The following BNC2 variants were observed in gnomAD, a reference collection of about 807,000 sequenced individuals.
The protein encoded by BNC2 is basonuclin zinc finger protein 2.
A neutral mutation model predicts 76.3 loss-of-function variants in BNC2; 20 were observed. The observed-to-expected ratio is 0.26, with a 90% CI of 0.18 to 0.38. The LOEUF is 0.38. BNC2 is among the 10% of genes least tolerant of loss of function. The pLI, the probability that BNC2 is intolerant of heterozygous loss-of-function variation, is 1.00. For missense variants in BNC2, 1,382 were observed against 1,399.8 expected (o/e 0.99, Z 0.20); for synonymous variants, 582 against 514.8 (o/e 1.13, Z -1.77).
At chr9:16,523,502 A>G (rs76894374) in intron 5 of BNC2, among the ~76,000 whole-genome samples, 1 of 151,508 alleles carries the variant, frequency 6.6e-6, no homozygotes, top group African/African-American at 2.4e-5. Flanking sequence ...ACAAAAAAAA[A>G]CAATTAATGT....
chr9:16,796,210 C>A (rs1027204456), intron 1 of BNC2, among the ~76,000 whole-genome samples: 1 of 152,218 alleles, frequency 6.6e-6, no homozygotes, highest in African/African-American at 2.4e-5. Flanking sequence ...AACTTGGCTT[C>A]TTTCGTAAGT....
At chr9:16,449,036 G>A (rs1381748868) in intron 5 of BNC2, among the ~76,000 whole-genome samples, 1 of 152,104 alleles carries the variant, frequency 6.6e-6, no homozygotes, top group Non-Finnish European at 1.5e-5. Flanking sequence ...GCTGACTGAA[G>A]AAATATAGAT....
At chr9:16,633,553 CA>C (rs1315326928) in intron 3 of BNC2, among the ~76,000 whole-genome samples, 1 of 152,200 alleles carries the variant, frequency 6.6e-6, no homozygotes, top group Non-Finnish European at 1.5e-5. Context: ...CTCTACTTTG[CA>C]ATTATGTCTA....
Position 16,597,730 on chromosome 9 carries a change from T to A in BNC2, c.331-14645A>T, listed in dbSNP as rs192022873. On this transcript the variant is annotated intron_variant, in intron 3 of 6. Coordinates refer to ENST00000380672, the MANE Select transcript of BNC2 (RefSeq NM_017637.6). ...TAAGCTTTACCTGCATGAGCTTTTA[T>A]GTCATTTCCCCCATAATCTTAAGTG... Among the ~76,000 whole-genome samples, 10 of 152,194 alleles carry A rather than the reference T, an allele frequency of 6.6e-5. No individual in the cohort carries two copies. In the East Asian group the frequency reaches 1.7e-3, roughly 26 times the overall value.
chr9:16,740,783 TG>T (rs1563922344), intron 1 of BNC2, among the ~76,000 whole-genome samples: 1 of 151,354 alleles, frequency 6.6e-6, no homozygotes, highest in Non-Finnish European at 1.5e-5. Flanking sequence ...AGAGGGAAAA[TG>T]GTATGAAAGG....
At chr9:16,509,303 T>C (rs372527009) in intron 5 of BNC2, among the ~76,000 whole-genome samples, 4 of 152,200 alleles carry the variant, frequency 2.6e-5, no homozygotes, top group Non-Finnish European at 5.9e-5. Flanking sequence ...TATACATTTC[T>C]ACTTATTGGC....
chr9:16,801,349 G>A (rs189024780), intron 1 of BNC2, among the ~76,000 whole-genome samples: 8 of 152,130 alleles, frequency 5.3e-5, no homozygotes, highest in Admixed American at 2.6e-4. Context: ...GGGTTCAAGT[G>A]ATTCTCCTGT....
chr9:16,860,834 G>A (rs1048831258), intron 1 of BNC2, among the ~76,000 whole-genome samples: 1 of 152,104 alleles, frequency 6.6e-6, no homozygotes, highest in Admixed American at 6.6e-5. Context: ...CCTGAGGCCA[G>A]GAGTTTAAAG....
At chr9:16,847,309 T>A (rs996541126) in intron 1 of BNC2, among the ~76,000 whole-genome samples, 1 of 150,994 alleles carries the variant, frequency 6.6e-6, no homozygotes, top group African/African-American at 2.4e-5. Flanking sequence ...TTATTTTTTT[T>A]ATTTATTTAA....
intron 6 of BNC2, among the ~76,000 whole-genome samples, chr9:16,432,882 C>T (rs975928683): frequency 2.0e-5 from 3 of 152,048 alleles, no homozygotes; most frequent in Non-Finnish European, 4.4e-5. Flanking sequence ...CTGGGGTTCT[C>T]GTGACTAACA....
intron 3 of BNC2, among the ~76,000 whole-genome samples, chr9:16,725,338 T>A (rs1021306393): frequency 3.9e-5 from 6 of 151,952 alleles, no homozygotes; most frequent in Admixed American, 2.6e-4. Flanking sequence ...CTCACATAGT[T>A]TGAACTTAAG....
chr9:16,759,816 C>T (rs989768813), intron 1 of BNC2, among the ~76,000 whole-genome samples: 3 of 151,914 alleles, frequency 2.0e-5, no homozygotes, highest in Admixed American at 6.6e-5. Flanking sequence ...CTCCGCCTCC[C>T]GGGTTCACAC....
At chr9:16,569,900 C>A (rs950771960) in intron 4 of BNC2, among the ~76,000 whole-genome samples, 2 of 152,196 alleles carry the variant, frequency 1.3e-5, no homozygotes, top group Non-Finnish European at 2.9e-5. Context: ...GTTGGCTACA[C>A]AAACCCTGCT....
chr9:16,814,081 G>A (rs1818122516), intron 1 of BNC2, among the ~76,000 whole-genome samples: 1 of 152,182 alleles, frequency 6.6e-6, no homozygotes, highest in East Asian at 1.9e-4. Flanking sequence ...ACTGGGCTGT[G>A]GACAATGTTT....
chr9:16,685,452 T>A, intron 3 of BNC2: 1 of 708,934 alleles, frequency 1.4e-6, no homozygotes, highest in East Asian at 6.6e-5. Context: ...AATGGTTGTC[T>A]TTTCCTGATG....
chr9:16,827,922 G>A (rs73649042), intron 1 of BNC2, among the ~76,000 whole-genome samples: 3,767 of 152,164 alleles, frequency 0.025, 146 homozygotes, highest in African/African-American at 0.087. Flanking sequence ...ATTTATTGAG[G>A]CATGTCTGTA....
chr9:16,688,780 T>C (rs1823055854), intron 3 of BNC2, among the ~76,000 whole-genome samples: 1 of 152,158 alleles, frequency 6.6e-6, no homozygotes, highest in Admixed American at 6.5e-5. Context: ...CTACAACTGA[T>C]GTAAATTTCA....
intron 1 of BNC2, among the ~76,000 whole-genome samples, chr9:16,748,559 T>G (rs546455353): frequency 3.3e-5 from 5 of 150,048 alleles, no homozygotes; most frequent in Non-Finnish European, 5.9e-5. Context: ...AAAAGGAGAA[T>G]TTGCCCGGGT....
chr9:16,674,015 A>T (rs1822562342), intron 3 of BNC2, among the ~76,000 whole-genome samples: 1 of 152,228 alleles, frequency 6.6e-6, no homozygotes, highest in Non-Finnish European at 1.5e-5. Context: ...CTTTACTCAA[A>T]CGTACAACTA....
Sources: gnomAD v4.1 joint callset for allele counts (sites outside exome capture counted in the v4.1 genomes callset) on GRCh38, gnomAD v4.1.1 for gene constraint, MANE v1.5 for transcripts, NCBI Gene and HGNC (gene_info 2026-07-23, HGNC 2026-07-21) for gene names.